Variants in HNF1B observed in about 807,000 individuals in gnomAD.
HNF1B encodes HNF1 homeobox B, also known as hepatocyte nuclear factor 1-beta.
A neutral mutation model predicts 61.7 loss-of-function variants in HNF1B; 8 were observed. The observed-to-expected ratio is 0.13, with a 90% CI of 0.08 to 0.23. The LOEUF is 0.23. HNF1B is among the 10% of genes least tolerant of loss of function. HNF1B has a pLI of 1.00. For missense variants in HNF1B, 562 were observed against 714.5 expected, an observed-to-expected ratio of 0.79 and a Z score of 2.43; for synonymous variants, 314 against 287.7, an observed-to-expected ratio of 1.09 and a Z score of -0.93.
chr17:37,714,048 C>A (rs1178163422), intron 4 of HNF1B, among the ~76,000 whole-genome samples: 5 of 152,232 alleles, frequency 3.3e-5, no homozygotes. Context: ...GGGTTTAAAT[C>A]TTGGCTCTAC....
In HNF1B at chr17:37,730,785, C is replaced by T. The variant is rs45440593; in HGVS notation, c.1045+810G>A. The T allele has an allele frequency of 5.2e-3, 789 of 152,868 alleles. 2 individuals carry two copies. The highest frequency in any genetic ancestry group is 8.2e-3 in the Non-Finnish European group (562 of 68,496). The allele number at this position is 152,868 out of a possible 1,614,324, so 9.5% of individuals were successfully genotyped here. A position where few individuals can be genotyped will look rare whatever the true frequency, so the allele number is the denominator to read the frequency against. ...TGGGCACCACACAGACCCCAGTGAG[C>T]ACATCCATTCTAGGAAGCCAGCTTT... On this transcript the variant is annotated intron_variant, in intron 4 of 8. Transcript: ENST00000617811.
chr17:37,717,132 A>C (rs1398264575), intron 4 of HNF1B, among the ~76,000 whole-genome samples: 1 of 152,200 alleles, frequency 6.6e-6, no homozygotes, highest in Non-Finnish European at 1.5e-5. Context: ...TGTGGGGCTC[A>C]GCTTGCCCAC....
intron 6 of HNF1B, 73 bp from the exon 7 acceptor site, chr17:37,701,250 G>T: frequency 7.0e-7 from 1 of 1,429,080 alleles, no homozygotes; most frequent in Non-Finnish European, 9.6e-7. Context: ...CATCATTTGA[G>T]CCCCCGCTCA....
intron 4 of HNF1B, among the ~76,000 whole-genome samples, chr17:37,723,103 G>A (rs964632151): frequency 5.9e-5 from 9 of 152,034 alleles, no homozygotes; most frequent in African/African-American, 1.2e-4. Flanking sequence ...ACTTTGGGAG[G>A]CCGAGGCGGG....
At chr17:37,707,714 A>C (rs2032796716) in intron 5 of HNF1B, among the ~76,000 whole-genome samples, 1 of 151,870 alleles carries the variant, frequency 6.6e-6, no homozygotes, top group Non-Finnish European at 1.5e-5. Flanking sequence ...CACCATTAGG[A>C]CATACTGCTT....
intron 7 of HNF1B, 99 bp downstream of exon 7, chr17:37,700,884 A>C: frequency 8.8e-7 from 1 of 1,131,330 alleles, no homozygotes; most frequent in Non-Finnish European, 1.3e-6. Flanking sequence ...AAAGTGACCA[A>C]GCCAATAAAC....
At position 37,699,172 on chromosome 17, in the gene HNF1B, G is replaced by C; in HGVS notation, c.1557C>G (p.Pro519=). The C allele has an allele frequency of 6.2e-7, 1 of 1,614,106 alleles. No individual in the cohort carries two copies. The highest frequency in any genetic ancestry group is 8.5e-7 in the Non-Finnish European group (1 of 1,179,988). Residue 519 remains proline (P), a synonymous_variant, in exon 8 of 9, where the codon CCC becomes CCG. Transcript: ENST00000617811. ...ACCGGGAGGTGTGGGAATACTGGGG[G>C]GGTTCCTGCTTGTGTGCGTACACTG... ...NSHMYAHKQE[P]PQYSHTSRFP...
At chr17:37,725,009 TA>T (rs1234103265) in intron 4 of HNF1B, among the ~76,000 whole-genome samples, 2 of 151,892 alleles carry the variant, frequency 1.3e-5, no homozygotes, top group East Asian at 3.9e-4. Flanking sequence ...TACTTCCCCC[TA>T]AAAAATAGGT....
At chr17:37,718,236 G>C (rs1033981436) in intron 4 of HNF1B, among the ~76,000 whole-genome samples, 1 of 152,178 alleles carries the variant, frequency 6.6e-6, no homozygotes, top group Admixed American at 6.5e-5. Context: ...AATTGCACAT[G>C]TGGGGAGGTA....
At chr17:37,690,438 T>C (rs527722525) in intron 8 of HNF1B, among the ~76,000 whole-genome samples, 7 of 152,266 alleles carry the variant, frequency 4.6e-5, no homozygotes, top group Middle Eastern at 3.4e-3. Flanking sequence ...TGTCTCTTTG[T>C]AAGAGATCAC....
At chr17:37,718,271 T>C (rs977210180) in intron 4 of HNF1B, among the ~76,000 whole-genome samples, 1 of 152,180 alleles carries the variant, frequency 6.6e-6, no homozygotes, top group African/African-American at 2.4e-5. Flanking sequence ...ACTCTGTGTG[T>C]CCTCCCCCAC....
At chr17:37,699,275 G>T in intron 7 of HNF1B, 81 bp from the exon 8 acceptor site, 1 of 994,812 alleles carries the variant, frequency 1.0e-6, no homozygotes, top group Non-Finnish European at 1.6e-6. Flanking sequence ...CCACACCATA[G>T]CTCCCATCTC....
intron 7 of HNF1B, among the ~76,000 whole-genome samples, 174 bp from the exon 8 acceptor site, chr17:37,699,368 C>T (rs1219238475): frequency 1.3e-5 from 2 of 152,200 alleles, no homozygotes; most frequent in African/African-American, 4.8e-5. Context: ...TTCCAAGTCA[C>T]ATAACCAACT....
chr17:37,735,929 T>TA (rs1321322092), intron 2 of HNF1B, among the ~76,000 whole-genome samples: 2 of 151,988 alleles, frequency 1.3e-5, no homozygotes, highest in African/African-American at 2.4e-5. Flanking sequence ...TCTGACTAAT[T>TA]AAAAAAAATT....
At position 37,733,661 on chromosome 17, in the gene HNF1B, C is replaced by A. The variant is rs749881236; in HGVS notation, c.705G>T (p.Arg235=). ...GCTGGGACGCGGGCCCCCATTTGAACCGGTTGCGGCGCATCTTCTTGTTGG... is the reference window on the plus strand; with the variant it reads ...GCTGGGACGCGGGCCCCCATTTGAAACGGTTGCGGCGCATCTTCTTGTTGG... ...EPTNKKMRRN[R]FKWGPASQQI... is the part of the protein sequence containing the mutation. The change falls in exon 3 of 9, where the codon CGG becomes CGT. Residue 235 remains arginine (R), a synonymous_variant. Transcript: ENST00000617811. 8 of 1,614,036 alleles carry A rather than the reference C, an allele frequency of 5.0e-6. No homozygotes were observed. The highest frequency in any genetic ancestry group is 5.9e-6 in the Non-Finnish European group (7 of 1,180,040).
In HNF1B at chr17:37,733,550, G is replaced by C; in HGVS notation, c.809+7C>G. 1 of 1,614,176 alleles carries C rather than the reference G, an allele frequency of 6.2e-7. No homozygotes were observed. Among genetic ancestry groups the C allele is most frequent in the Non-Finnish European group, 8.5e-7 (1 of 1,180,042 alleles). On this transcript the variant is annotated splice_region_variant and intron_variant, in intron 3 of 8. Transcript: ENST00000617811. ...CACCTGCCCAGGTGAGCTTCTGGTG[G>C]TGTTACCTGTTGCATTCCTCCACTA...
intron 7 of HNF1B, 116 bp from the exon 8 acceptor site, chr17:37,699,310 G>A (rs981130444): frequency 1.2e-6 from 1 of 806,398 alleles, no homozygotes; most frequent in African/African-American, 1.7e-5. Flanking sequence ...AGGGCTGGTG[G>A]TTATAGTGGG....
chr17:37,724,934 GTGTATATA>G (rs1253283161), intron 4 of HNF1B, among the ~76,000 whole-genome samples: 36 of 69,544 alleles, frequency 5.2e-4, no homozygotes, highest in African/African-American at 2.2e-3. Flanking sequence ...GTGTGTGTGT[GTGTATATA>G]TATATAATAC....
chr17:37,728,938 G>C (rs1184797931), intron 4 of HNF1B: 2 of 154,054 alleles, frequency 1.3e-5, no homozygotes, highest in African/African-American at 4.8e-5. Context: ...GAATGCCCTG[G>C]TGTGTGAGAT....
Sources: gnomAD v4.1 joint callset for allele counts (sites outside exome capture counted in the v4.1 genomes callset) on GRCh38, gnomAD v4.1.1 for gene constraint, MANE v1.5 for transcripts, NCBI Gene and HGNC (gene_info 2026-07-23, HGNC 2026-07-21) for gene names.